CDH12: variants seen among roughly 807,000 people sequenced by gnomAD.
CDH12 encodes the protein cadherin 12, also known as cadherin-12.
Under a neutral mutation model 74.1 loss-of-function variants are expected in CDH12, and 41 were observed. The observed-to-expected ratio is 0.55, with a 90% CI of 0.43 to 0.72. The LOEUF is 0.72. Ranked by LOEUF, CDH12 falls within the 30% of genes least tolerant of loss-of-function variation. The pLI, the probability that CDH12 is intolerant of heterozygous loss-of-function variation, is 0.00. For missense variants in CDH12, 945 were observed against 977.2 expected (o/e 0.97, Z 0.44); for synonymous variants, 399 against 355.0 (o/e 1.12, Z -1.39).
chr5:21,988,139 C>T (rs1757591871), intron 5 of CDH12, among the ~76,000 whole-genome samples: 1 of 152,118 alleles, frequency 6.6e-6, no homozygotes, highest in Non-Finnish European at 1.5e-5. Context: ...CCTCCTCCCC[C>T]CATATAACAC....
At chr5:22,211,790 G>A (rs6873730) in intron 4 of CDH12, among the ~76,000 whole-genome samples, 131,342 of 149,488 alleles carry the variant, frequency 0.88, 57,807 homozygotes, top group East Asian at 0.97. Context: ...TTACAAACAC[G>A]TAATCTCTTA....
At chr5:22,271,983 G>A (rs778947104) in intron 3 of CDH12, among the ~76,000 whole-genome samples, 6 of 152,116 alleles carry the variant, frequency 3.9e-5, no homozygotes, top group Non-Finnish European at 8.8e-5. Context: ...CTTATCACCA[G>A]CTGCATTAGG....
intron 5 of CDH12, among the ~76,000 whole-genome samples, chr5:22,011,535 T>G (rs377124749): frequency 1.3e-5 from 2 of 152,132 alleles, no homozygotes; most frequent in Non-Finnish European, 2.9e-5. Context: ...ATTGTGTCTG[T>G]TTTTTTCTAT....
intron 3 of CDH12, among the ~76,000 whole-genome samples, chr5:22,394,704 C>T (rs1366313023): frequency 6.6e-6 from 1 of 152,132 alleles, no homozygotes; most frequent in African/African-American, 2.4e-5. Context: ...ATGGGGCCAT[C>T]TATCTTATGC....
At chr5:22,380,848 G>A (rs1370015714) in intron 3 of CDH12, among the ~76,000 whole-genome samples, 4 of 152,022 alleles carry the variant, frequency 2.6e-5, no homozygotes, top group African/African-American at 4.8e-5. Context: ...TTACTGTCAA[G>A]ATCAATATGC....
intron 6 of CDH12, among the ~76,000 whole-genome samples, chr5:21,921,185 T>C (rs976682099): frequency 3.3e-5 from 5 of 152,218 alleles, no homozygotes; most frequent in Admixed American, 2.6e-4. Flanking sequence ...CAAGTCATGA[T>C]GTTGCCCCAC....
chr5:22,511,880 A>T (rs79649917), intron 1 of CDH12, among the ~76,000 whole-genome samples: 2,717 of 152,178 alleles, frequency 0.018, 81 homozygotes, highest in African/African-American at 0.062. Context: ...ATTTCAACTA[A>T]TGAATTCATG....
intron 1 of CDH12, among the ~76,000 whole-genome samples, chr5:22,517,342 A>G (rs1736854862): frequency 6.6e-6 from 1 of 152,058 alleles, no homozygotes; most frequent in African/African-American, 2.4e-5. Flanking sequence ...TGCCACTATA[A>G]AATTTAGTCG....
chr5:22,269,975 T>C (rs897061744), intron 3 of CDH12, among the ~76,000 whole-genome samples: 1 of 152,188 alleles, frequency 6.6e-6, no homozygotes, highest in African/African-American at 2.4e-5. Flanking sequence ...TCTACCTATT[T>C]TGATATGGAT....
chr5:22,618,810 T>C (rs1737815390), intron 1 of CDH12, among the ~76,000 whole-genome samples: 1 of 152,012 alleles, frequency 6.6e-6, no homozygotes, highest in African/African-American at 2.4e-5. Context: ...AGGAGGTAAT[T>C]GAATCATGGG....
At chr5:22,323,796 G>A (rs907238515) in intron 3 of CDH12, among the ~76,000 whole-genome samples, 1 of 152,082 alleles carries the variant, frequency 6.6e-6, no homozygotes, top group African/African-American at 2.4e-5. Flanking sequence ...GTTATAGAAA[G>A]AAGAGGGAGA....
intron 5 of CDH12, among the ~76,000 whole-genome samples, chr5:22,054,947 C>T (rs553998727): frequency 1.1e-4 from 17 of 152,278 alleles, no homozygotes; most frequent in African/African-American, 3.8e-4. Flanking sequence ...ACAACGTAGT[C>T]ATAACCTTTA....
At chr5:21,986,551 A>C (rs1195983175) in intron 5 of CDH12, among the ~76,000 whole-genome samples, 3 of 152,182 alleles carry the variant, frequency 2.0e-5, no homozygotes, top group Non-Finnish European at 4.4e-5. Flanking sequence ...CTTTTCCAAC[A>C]TTGTAAAACA....
chr5:22,811,701 G>C (rs1749156352), intron 1 of CDH12, among the ~76,000 whole-genome samples: 1 of 152,176 alleles, frequency 6.6e-6, no homozygotes, highest in African/African-American at 2.4e-5. Context: ...AATTACATCA[G>C]GTAGTGCAGG....
intron 3 of CDH12, among the ~76,000 whole-genome samples, chr5:22,350,571 C>A (rs1740317589): frequency 6.6e-6 from 1 of 152,042 alleles, no homozygotes; most frequent in Non-Finnish European, 1.5e-5. Flanking sequence ...GTTCAATGTA[C>A]AACTGACTAT....
intron 5 of CDH12, among the ~76,000 whole-genome samples, chr5:22,042,358 T>A (rs1739633103): frequency 6.6e-6 from 1 of 152,092 alleles, no homozygotes. Flanking sequence ...TAGAGAAAGC[T>A]GTATTTTTCT....
At chr5:22,711,372 A>T (rs1743277571) in intron 1 of CDH12, among the ~76,000 whole-genome samples, 1 of 152,152 alleles carries the variant, frequency 6.6e-6, no homozygotes, top group Admixed American at 6.5e-5. Context: ...ACATAGTTCT[A>T]GAGATTGCTT....
chr5:21,871,709 A>G (rs1751632355), intron 6 of CDH12, among the ~76,000 whole-genome samples: 1 of 152,176 alleles, frequency 6.6e-6, no homozygotes, highest in South Asian at 2.1e-4. Context: ...CTTAGGCAAC[A>G]AGAGCAAAAC....
chr5:21,987,448 G>C (rs976104326), intron 5 of CDH12, among the ~76,000 whole-genome samples: 9 of 152,114 alleles, frequency 5.9e-5, no homozygotes, highest in Non-Finnish European at 1.2e-4. Flanking sequence ...CTCAGAAACA[G>C]CTTCTTTCTC....
Sources: gnomAD v4.1 joint callset for allele counts (sites outside exome capture counted in the v4.1 genomes callset) on GRCh38, gnomAD v4.1.1 for gene constraint, MANE v1.5 for transcripts, NCBI Gene and HGNC (gene_info 2026-07-23, HGNC 2026-07-21) for gene names.